Variants in FAT2 observed in about 807,000 individuals in gnomAD.
The protein encoded by FAT2 is FAT atypical cadherin 2.
Under a neutral mutation model 295.3 loss-of-function variants are expected in FAT2, and 150 were observed. That is an observed-to-expected ratio of 0.51 (90% CI 0.44 to 0.58). FAT2 has a LOEUF of 0.58. Ranked by LOEUF, FAT2 falls within the 20% of genes least tolerant of loss-of-function variation. The pLI, the probability that FAT2 is intolerant of heterozygous loss-of-function variation, is 0.00. For missense variants in FAT2, 4,868 were observed against 5,442.7 expected (o/e 0.89, Z 3.32); for synonymous variants, 2,026 against 2,150.3 (o/e 0.94, Z 1.60).
rs941747469 is a variant in FAT2 at position 151,510,312 on chromosome 5, C to T, written c.11906-138G>A. ...GGTTGCTCCCCTCTGTGCCCAATAC[C>T]GTGCTGGGCATTGGTGCCCTGCTGA... On this transcript the variant is annotated intron_variant, in intron 21 of 23. Coordinates refer to ENST00000261800, the MANE Select transcript of FAT2 (RefSeq NM_001447.3). 1.3e-5 allele frequency: 13 copies of T among 985,920 alleles called. 1 individual carries two copies. Among genetic ancestry groups the T allele is most frequent in the South Asian group, 9.5e-5 (6 of 63,310 alleles). 61.1% of individuals were successfully genotyped at this position (985,920 alleles called of 1,614,324 possible).
chr5:151,543,130 C>T lies in FAT2; in HGVS notation c.7997G>A (p.Gly2666Glu). The change falls in exon 10 of 24, where the codon GGA (glycine) becomes GAA (glutamate). Residue 2666 changes from glycine (G) to glutamate (E), a missense_variant. Around this residue, in one of 5 missense-constraint regions of FAT2, gnomAD observed 3,297 missense variants for 3,669.4 expected, o/e 0.90. Transcript: ENST00000261800. ...CAGAGAGTTCCAGTGAGGAGGGCCTCCATCTTGGGCTTTGATGAAGAAGTC... is the reference window on the plus strand; with the variant it reads ...CAGAGAGTTCCAGTGAGGAGGGCCTTCATCTTGGGCTTTGATGAAGAAGTC... ...TLDFFIKAQD[G>E]GPPHWNSLVP... 6.2e-7 allele frequency: 1 copy of T among 1,614,180 alleles called. No individual in the cohort carries two copies. The highest frequency in any genetic ancestry group is 8.5e-7 in the Non-Finnish European group (1 of 1,180,030).
At position 151,568,577 on chromosome 5, in the gene FAT2, T is replaced by G. The variant is rs1758391472; in HGVS notation, c.355A>C (p.Ile119Leu). The G allele has an allele frequency of 1.2e-6, 2 of 1,613,978 alleles. No homozygotes were observed. Among genetic ancestry groups the G allele is most frequent in the African/African-American group, 1.3e-5 (1 of 74,898 alleles). The change falls in exon 2 of 24, where the codon ATC becomes CTC. Residue 119 changes from isoleucine to leucine, a missense_variant. Ile to Leu is a conservative substitution (Grantham distance 5). Around this residue, in one of 5 missense-constraint regions of FAT2, gnomAD observed 3,297 missense variants for 3,669.4 expected, o/e 0.90. Transcript: ENST00000261800. ...TCCAAGGTCTTCTCTGTGGCTTGGA[T>G]GATGAGGGTGTAGCTGTCTCGCACC... ...REVRDSYTLI[I>L]QATEKTLELE...
In FAT2 at chr5:151,566,038, A is replaced by G. The variant is rs571552008; in HGVS notation, c.2894T>C (p.Met965Thr). Residue 965 changes from methionine (M) to threonine (T), a missense_variant, in exon 2 of 24, where the codon ATG becomes ACG. Coordinates refer to ENST00000261800, the MANE Select transcript of FAT2 (RefSeq NM_001447.3). The part of the protein sequence containing the change: ...GPAGEVRYVL[M>T]DGAHGTFRVD... ...CCGGAAGGTCCCATGGGCGCCATCCATCAGAACATATCGCACTTCACCTGC... is the reference window on the plus strand; with the variant it reads ...CCGGAAGGTCCCATGGGCGCCATCCGTCAGAACATATCGCACTTCACCTGC... The G allele has an allele frequency of 3.1e-6, 5 of 1,614,138 alleles. No individual in the cohort carries two copies. The highest frequency in any genetic ancestry group is 4.2e-6 in the Non-Finnish European group (5 of 1,180,024).
intron 11 of FAT2, among the ~76,000 whole-genome samples, chr5:151,538,379 C>G (rs1755711397): frequency 6.6e-6 from 1 of 152,196 alleles, no homozygotes; most frequent in African/African-American, 2.4e-5. Flanking sequence ...TCCCCTGCCT[C>G]TGTGGCGAGG....
At chr5:151,578,253 T>C (rs1399752440) in intron 1 of FAT2, among the ~76,000 whole-genome samples, 3 of 152,150 alleles carry the variant, frequency 2.0e-5, no homozygotes, top group Admixed American at 6.5e-5. Context: ...CCTCGTTTTG[T>C]GGGGTTGCTT....
chr5:151,521,925 T>C lies in FAT2; in HGVS notation c.10668A>G (p.Thr3556=). The change falls in exon 19 of 24, where the codon ACA becomes ACG. Residue 3556 remains threonine, a synonymous_variant. Coordinates refer to ENST00000261800, the MANE Select transcript of FAT2 (RefSeq NM_001447.3). ...TCAGCGTGTCCTGGGGGTCTCGGTC[T>C]GTGGCATGGATCTTACCCACCATGC... is the stretch of plus-strand genomic sequence containing the variant. The part of the protein sequence containing the change: ...QGGMVGKIHA[T]DRDPQDTLTY... 1.2e-6 allele frequency: 2 copies of C among 1,614,000 alleles called. No individual in the cohort carries two copies. Among genetic ancestry groups the C allele is most frequent in the African/African-American group, 1.3e-5 (1 of 75,068 alleles).
At position 151,512,483 on chromosome 5, in the gene FAT2, A is replaced by G; in HGVS notation, c.11587T>C (p.Ser3863Pro). ...ATGCTGTCAACCATCAGGCGAATGGAAGCGTCCATCTCCTCCACCAGGATG... is the reference window on the plus strand; with the variant it reads ...ATGCTGTCAACCATCAGGCGAATGGGAGCGTCCATCTCCTCCACCAGGATG... ...HSILVEEMDA[S>P]IRLMVDSMGN... Residue 3863 changes from serine (S) to proline (P), a missense_variant, in exon 21 of 24, where the codon TCC (serine) becomes CCC (proline). By Grantham distance (74) the Ser-to-Pro change is moderately conservative. Coordinates refer to ENST00000261800, the MANE Select transcript of FAT2 (RefSeq NM_001447.3). This position sits in a 1 kb window ranked among gnomAD's most constrained non-coding sequence, Gnocchi z 4.1. 1 of 1,614,174 alleles carries G rather than the reference A, an allele frequency of 6.2e-7. No homozygotes were observed. The highest frequency in any genetic ancestry group is 8.5e-7 in the Non-Finnish European group (1 of 1,180,036).
chr5:151,553,473 G>A (rs974918337), intron 5 of FAT2, 86 bp from the exon 6 acceptor site: 2 of 1,207,608 alleles, frequency 1.7e-6, no homozygotes, highest in African/African-American at 3.0e-5. Context: ...AGAGCGTCCT[G>A]TGATTCTGAC....
At position 151,563,493 on chromosome 5, in the gene FAT2, G is replaced by A. The variant is rs1232915007; in HGVS notation, c.3406C>T (p.Gln1136Ter). The A allele has an allele frequency of 6.2e-7, 1 of 1,614,196 alleles. No homozygotes were observed. The change falls in exon 3 of 24, where the codon CAG (glutamine) becomes TAG (stop). Residue 1136 changes from glutamine (Q) to a stop codon, truncating the protein, a stop_gained. Transcript: ENST00000261800. LOFTEE classifies it high-confidence loss of function. Reference sequence around the variant, plus strand: ...GGGTAGAACACAGCTTGGGACATCTGGGGTGGGTTGTCATTGGCATCCGTA... The same window carrying A: ...GGGTAGAACACAGCTTGGGACATCTAGGGTGGGTTGTCATTGGCATCCGTA... Reference protein sequence around the residue: ...EVTDANDNPPQMSQAVFYPSI... With the variant: ...EVTDANDNPP
intron 8 of FAT2, 22 bp downstream of exon 8, chr5:151,550,568 C>G: frequency 6.2e-7 from 1 of 1,613,120 alleles, no homozygotes; most frequent in Non-Finnish European, 8.5e-7. Context: ...CGTATTCTCA[C>G]CAGATTTTTC....
At chr5:151,511,696 G>A (rs1261267209) in intron 21 of FAT2, 2 of 164,236 alleles carry the variant, frequency 1.2e-5, no homozygotes, top group African/African-American at 2.4e-5. Flanking sequence ...ATGGTGCTGA[G>A]CGAAAGCGTA....
At position 151,568,159 on chromosome 5, in the gene FAT2, G is replaced by A. The variant is rs758396931; in HGVS notation, c.773C>T (p.Ser258Leu). 5.0e-6 allele frequency: 8 copies of A among 1,614,026 alleles called. No homozygotes were observed. Among genetic ancestry groups the A allele is most frequent in the Non-Finnish European group, 5.9e-6 (7 of 1,180,028 alleles). ...GCTGTCTGGTGGAGTCACCACCACC[G>A]AAGCAATGGCTGGGGGCTTCCTGAG... The part of the protein sequence containing the change: ...PALRKPPAIA[S>L]VVVTPPDSND... Residue 258 changes from serine to leucine, a missense_variant, in exon 2 of 24, where the codon TCG becomes TTG. Physicochemically the swap from Ser to Leu is moderately radical, Grantham distance 145. Coordinates refer to ENST00000261800, the MANE Select transcript of FAT2 (RefSeq NM_001447.3).
intron 14 of FAT2, among the ~76,000 whole-genome samples, chr5:151,530,790 A>G (rs56062345): frequency 0.15 from 22,595 of 152,256 alleles, 2,171 homozygotes; most frequent in Non-Finnish European, 0.2. Context: ...GGATGGATGT[A>G]GGGGCCAAAG....
intron 3 of FAT2, among the ~76,000 whole-genome samples, chr5:151,557,950 G>T (rs541287620): frequency 6.6e-6 from 1 of 152,104 alleles, no homozygotes; most frequent in East Asian, 1.9e-4. Context: ...TCCTTACAGG[G>T]GACCCACTAA....
At chr5:151,523,512 A>G (rs1753696515) in intron 18 of FAT2, among the ~76,000 whole-genome samples, 1 of 152,156 alleles carries the variant, frequency 6.6e-6, no homozygotes, top group Non-Finnish European at 1.5e-5. Context: ...ATCTGTGTCT[A>G]TAGCCTGTGT....
At chr5:151,555,024 G>T (rs892525292) in intron 4 of FAT2, among the ~76,000 whole-genome samples, 1 of 152,182 alleles carries the variant, frequency 6.6e-6, no homozygotes, top group African/African-American at 2.4e-5. Context: ...TAAGTTGCTC[G>T]ATTAGAGAAA....
rs1482834216 is a variant in FAT2 at position 151,530,719 on chromosome 5, CTTA to C, written c.9811+865_9811+867del. Among the ~76,000 whole-genome samples, 9 of 152,184 alleles carry C rather than the reference CTTA, an allele frequency of 5.9e-5. No individual in the cohort carries two copies. In the East Asian group the frequency reaches 1.5e-3, roughly 26 times the overall value. On this transcript the variant is annotated intron_variant, in intron 14 of 23. Transcript: ENST00000261800. The stretch of plus-strand genomic sequence containing the variant: ...TGTGGTTTTGTTTAGAAAAGGAGTT[CTTA>C]TTATACAGAGATACACACTGATGTC...
chr5:151,518,654 T>C (rs762488835), intron 19 of FAT2, among the ~76,000 whole-genome samples: 17 of 152,250 alleles, frequency 1.1e-4, no homozygotes, highest in Non-Finnish European at 2.5e-4. Flanking sequence ...TGATAGACTG[T>C]ATGGCCAAAA....
In FAT2 at chr5:151,544,999, C is replaced by G. The variant is rs766777676; in HGVS notation, c.6128G>C (p.Arg2043Thr). ...CACCCGCTGAGGTGTCCGATTGTCC[C>G]TCACTTCCACTGCCAACTCATGAGT... is the stretch of plus-strand genomic sequence containing the variant. ...QDTHELAVEV[R>T]DNRTPQRVAQ... is the part of the protein sequence containing the mutation. Residue 2043 changes from arginine (R) to threonine (T), a missense_variant, in exon 10 of 24, where the codon AGG becomes ACG. Arg to Thr is a moderately conservative substitution (Grantham distance 71). Around this residue, in one of 5 missense-constraint regions of FAT2, gnomAD observed 3,297 missense variants for 3,669.4 expected, o/e 0.90. Transcript: ENST00000261800. 9 of 1,614,210 alleles carry G rather than the reference C, an allele frequency of 5.6e-6. No individual in the cohort carries two copies. Among genetic ancestry groups the G allele is most frequent in the Non-Finnish European group, 7.6e-6 (9 of 1,180,046 alleles).
Sources: gnomAD v4.1 joint callset for allele counts (sites outside exome capture counted in the v4.1 genomes callset) on GRCh38, gnomAD v4.1.1 for gene constraint, gnomAD v4.1.1 regional missense constraint, Gnocchi (gnomAD v3.1) non-coding constraint, MANE v1.5 for transcripts, NCBI Gene and HGNC (gene_info 2026-07-23, HGNC 2026-07-21) for gene names.